Variants in NCS1 observed in about 807,000 individuals in gnomAD.
The protein encoded by NCS1 is frequenin homolog.
Under a neutral mutation model 28.4 loss-of-function variants are expected in NCS1, and 6 were observed. The ratio of observed to expected loss-of-function variants is 0.21; its 90% CI spans 0.12 to 0.42. The LOEUF is 0.42. NCS1 is among the 10% of genes least tolerant of loss of function. NCS1 has a pLI of 1.00. For missense variants in NCS1, 131 were observed against 241.4 expected (o/e 0.54, Z 3.03); for synonymous variants, 86 against 99.3 (o/e 0.87, Z 0.79).
At chr9:130,176,161 TCTTTCTTTCTTTCTTTCTTTCTTTC>T (rs1832563568) in intron 1 of NCS1, among the ~76,000 whole-genome samples, 1 of 82,354 alleles carries the variant, frequency 1.2e-5, no homozygotes, top group African/African-American at 8.2e-5. Flanking sequence ...TTTCTTTCTT[TCTTTCTTTCTTTCTTTCTTTCTTTC>T]TTTCTTTCTT....
chr9:130,189,858 C>CAAAAA (rs869189538), intron 1 of NCS1, among the ~76,000 whole-genome samples: 19 of 43,116 alleles, frequency 4.4e-4, no homozygotes, highest in East Asian at 1.6e-3. Flanking sequence ...GACTCCATCT[C>CAAAAA]AAAAAAAAAA....
At chr9:130,196,795 C>A (rs1488398113) in intron 1 of NCS1, among the ~76,000 whole-genome samples, 1 of 152,178 alleles carries the variant, frequency 6.6e-6, no homozygotes, top group Non-Finnish European at 1.5e-5. Context: ...CCACCCCCAC[C>A]TCATCCCCAT....
intron 1 of NCS1, among the ~76,000 whole-genome samples, chr9:130,194,778 TG>T (rs1554906632): frequency 2.6e-5 from 4 of 152,350 alleles, no homozygotes; most frequent in Non-Finnish European, 4.4e-5. Flanking sequence ...GGTACGAGCC[TG>T]GGCCTGCAGG....
intron 1 of NCS1, among the ~76,000 whole-genome samples, chr9:130,184,207 C>A (rs1221012848): frequency 6.6e-6 from 1 of 152,156 alleles, no homozygotes; most frequent in Non-Finnish European, 1.5e-5. Context: ...CACTTCTAGC[C>A]CTGTGACCAC....
intron 1 of NCS1, among the ~76,000 whole-genome samples, chr9:130,179,623 A>T (rs1420470448): frequency 1.3e-5 from 2 of 152,176 alleles, no homozygotes; most frequent in African/African-American, 4.8e-5. Context: ...TCCAGTTTAC[A>T]TTTTCAGCAA....
chr9:130,216,171 C>G (rs577945954), intron 2 of NCS1, among the ~76,000 whole-genome samples: 1 of 152,314 alleles, frequency 6.6e-6, no homozygotes, highest in South Asian at 2.1e-4. Flanking sequence ...TGTATGGACC[C>G]TAATCAGAGT....
chr9:130,173,620 C>T (rs1419957854), intron 1 of NCS1, among the ~76,000 whole-genome samples: 1 of 152,158 alleles, frequency 6.6e-6, no homozygotes, highest in African/African-American at 2.4e-5. Flanking sequence ...GCTTCAGCAT[C>T]GGGGTCTGGA....
At chr9:130,217,204 G>A (rs76332303) in intron 2 of NCS1, among the ~76,000 whole-genome samples, 7,468 of 152,284 alleles carry the variant, frequency 0.049, 606 homozygotes, top group African/African-American at 0.17. Flanking sequence ...AAGCCATTCC[G>A]GCGTCAGCCA....
At chr9:130,214,877 C>T (rs1305213150) in intron 2 of NCS1, among the ~76,000 whole-genome samples, 5 of 152,116 alleles carry the variant, frequency 3.3e-5, no homozygotes, top group Admixed American at 1.3e-4. Flanking sequence ...ACTGGATAGG[C>T]CCCCAAAGGC....
intron 4 of NCS1, among the ~76,000 whole-genome samples, chr9:130,221,250 C>T (rs375964088): frequency 6.7e-6 from 1 of 150,356 alleles, no homozygotes; most frequent in Non-Finnish European, 1.5e-5. Flanking sequence ...TCTCGAACTC[C>T]TGACCTCAGA....
chr9:130,190,765 C>G (rs1333093876), intron 1 of NCS1, among the ~76,000 whole-genome samples: 2 of 152,212 alleles, frequency 1.3e-5, no homozygotes, highest in Admixed American at 1.3e-4. Flanking sequence ...TGGCCTCCAT[C>G]TCCACTCCTC....
Position 130,186,879 on chromosome 9 carries a change from T to A in NCS1, c.65-14079T>A, listed in dbSNP as rs1554905682. 1.3e-5 allele frequency among the ~76,000 whole-genome samples: 2 copies of A among 152,212 alleles called. No individual in the cohort carries two copies. The highest frequency in any genetic ancestry group is 6.5e-5 in the Admixed American group (1 of 15,288). Reference sequence around the variant, plus strand: ...AGGAGGGCCCGTGCTGTGCTCAGCCTGGCTCCAAGCACGAGGGGCACTGAC... The same window carrying A: ...AGGAGGGCCCGTGCTGTGCTCAGCCAGGCTCCAAGCACGAGGGGCACTGAC... On this transcript the variant is annotated intron_variant, in intron 1 of 7. Transcript: ENST00000372398. The surrounding 1 kb of genome is among the most constrained non-coding windows in gnomAD (Gnocchi z 4.1).
In NCS1 at chr9:130,200,372, C is replaced by A. The variant is rs189922160; in HGVS notation, c.65-586C>A. The A allele has an allele frequency of 2.5e-4, 151 of 594,074 alleles. No homozygotes were observed. The South Asian group carries it at 3.1e-3, about 12-fold the overall frequency. 36.8% of individuals were successfully genotyped at this position (594,074 alleles called of 1,614,324 possible). ...CTCCAGGCTCAGCCGCTCTCTGTAG[C>A]CTCTTTCAGCTTTTGCTTCACGGCT... On this transcript the variant is annotated intron_variant, in intron 1 of 7. Transcript: ENST00000372398.
intron 1 of NCS1, among the ~76,000 whole-genome samples, chr9:130,193,093 G>A (rs1832837911): frequency 6.6e-6 from 1 of 152,150 alleles, no homozygotes; most frequent in African/African-American, 2.4e-5. Flanking sequence ...GGGCAGGAGG[G>A]TGTGTGCGGC....
intron 5 of NCS1, 26 bp downstream of exon 5, chr9:130,222,764 A>G: frequency 6.2e-7 from 1 of 1,608,950 alleles, no homozygotes; most frequent in Non-Finnish European, 8.5e-7. Flanking sequence ...TCGTGTGGTT[A>G]GGGGTGGCAG....
chr9:130,184,356 G>A (rs1832711825), intron 1 of NCS1, among the ~76,000 whole-genome samples: 1 of 152,076 alleles, frequency 6.6e-6, no homozygotes, highest in African/African-American at 2.4e-5. Context: ...GTTAGTTCTG[G>A]GACCTTGGTC....
chr9:130,208,355 C>T (rs2131142014), intron 2 of NCS1, among the ~76,000 whole-genome samples: 1 of 152,192 alleles, frequency 6.6e-6, no homozygotes, highest in East Asian at 1.9e-4. Context: ...TCTTGGCTCA[C>T]TGCAACTCTG....
chr9:130,214,000 C>T (rs1833149320), intron 2 of NCS1, among the ~76,000 whole-genome samples: 1 of 152,266 alleles, frequency 6.6e-6, no homozygotes, highest in African/African-American at 2.4e-5. Flanking sequence ...CTCTTGTTCC[C>T]TCTGCCCCTG....
At chr9:130,172,777 AC>A in intron 1 of NCS1, 50 bp downstream of exon 1, 6 of 674,260 alleles carry the variant, frequency 8.9e-6, no homozygotes, top group Non-Finnish European at 1.1e-5. Flanking sequence ...CCCCACACCC[AC>A]CGCCCCCGCC....
Sources: gnomAD v4.1 joint callset for allele counts (sites outside exome capture counted in the v4.1 genomes callset) on GRCh38, gnomAD v4.1.1 for gene constraint, Gnocchi (gnomAD v3.1) non-coding constraint, MANE v1.5 for transcripts, NCBI Gene and HGNC (gene_info 2026-07-23, HGNC 2026-07-21) for gene names.